GRK5: variants seen among roughly 807,000 people sequenced by gnomAD.
The protein encoded by GRK5 is g protein-coupled receptor kinase GRK5.
A neutral mutation model predicts 78.4 loss-of-function variants in GRK5; 40 were observed. The ratio of observed to expected loss-of-function variants is 0.51; its 90% confidence interval spans 0.40 to 0.66. The LOEUF (loss-of-function observed/expected upper bound fraction) is 0.66, where lower values mean the gene tolerates loss of function less well. GRK5 is among the 30% of genes least tolerant of loss of function. GRK5 has a pLI of 0.00. For synonymous variants in GRK5, 289 were observed against 296.8 expected, an observed-to-expected ratio of 0.97 and a Z score of 0.27; for missense variants, 598 against 759.9, an observed-to-expected ratio of 0.79 and a Z score of 2.50.
At chr10:119,437,306 T>C (rs1297141862) in intron 9 of GRK5, among the ~76,000 whole-genome samples, 2 of 152,104 alleles carry the variant, frequency 1.3e-5, no homozygotes, top group African/African-American at 4.8e-5. Context: ...CAGCTTGCTC[T>C]GGTCTTCACC....
chr10:119,394,181 G>GGGTATGGGTGTGTTTGTGTGGGTGGGTAT (rs1851944153), intron 3 of GRK5, among the ~76,000 whole-genome samples: 3 of 33,358 alleles, frequency 9.0e-5, no homozygotes, highest in East Asian at 4.7e-4. Flanking sequence ...TGTGTGTGTG[G>GGGTATGGGTGTGTTTGTGTGGGTGGGTAT]GTGTCTGTGT....
At position 119,207,587 on chromosome 10, in the gene GRK5, T is replaced by C; in HGVS notation, c.-331T>C. 1 of 272,530 alleles carries C rather than the reference T, an allele frequency of 3.7e-6. No homozygotes were observed. Among genetic ancestry groups the C allele is most frequent in the Non-Finnish European group, 7.0e-6 (1 of 143,112 alleles). The allele number at this position is 272,530 out of a possible 1,614,324, so 16.9% of individuals were successfully genotyped here. ...AGGGGAGGCAGAAGCATCCGAGGCA[T>C]TAAAGCATCCGAGGGAGCCGGAGGG... On this transcript the variant is annotated 5_prime_UTR_variant, in exon 1 of 16. Coordinates refer to ENST00000392870, the MANE Select transcript of GRK5 (RefSeq NM_005308.3).
intron 2 of GRK5, among the ~76,000 whole-genome samples, chr10:119,358,330 G>C (rs1851299109): frequency 6.6e-6 from 1 of 152,192 alleles, no homozygotes; most frequent in South Asian, 2.1e-4. Flanking sequence ...TATGCCCGGG[G>C]TGTAGCAAAT....
intron 1 of GRK5, among the ~76,000 whole-genome samples, chr10:119,218,456 G>A (rs1480176725): frequency 2.0e-5 from 3 of 152,162 alleles, no homozygotes; most frequent in Non-Finnish European, 4.4e-5. Flanking sequence ...ATGGGTCTTA[G>A]CACTGCTTCT....
chr10:119,331,248 G>T (rs1324156738), intron 2 of GRK5, among the ~76,000 whole-genome samples: 1 of 152,238 alleles, frequency 6.6e-6, no homozygotes, highest in Non-Finnish European at 1.5e-5. Flanking sequence ...TGTGGAAATG[G>T]ATTCTTCTGT....
intron 1 of GRK5, among the ~76,000 whole-genome samples, chr10:119,296,879 G>A (rs1850090646): frequency 6.6e-6 from 1 of 152,238 alleles, no homozygotes; most frequent in South Asian, 2.1e-4. Flanking sequence ...CAAGCGCAGG[G>A]CCCCACCCCC....
At chr10:119,402,008 C>G (rs1233467485) in intron 4 of GRK5, among the ~76,000 whole-genome samples, 1 of 152,190 alleles carries the variant, frequency 6.6e-6, no homozygotes, top group African/African-American at 2.4e-5. Flanking sequence ...GTGGCCCCAC[C>G]ATCTGGAGTG....
intron 1 of GRK5, among the ~76,000 whole-genome samples, chr10:119,307,271 A>G (rs1850286876): frequency 6.6e-6 from 1 of 152,042 alleles, no homozygotes; most frequent in African/African-American, 2.4e-5. Context: ...ATGCAGTCTT[A>G]ATCACTGCAT....
intron 1 of GRK5, among the ~76,000 whole-genome samples, chr10:119,270,488 G>A (rs1849567305): frequency 6.6e-6 from 1 of 152,212 alleles, no homozygotes; most frequent in Admixed American, 6.5e-5. Flanking sequence ...GATATGCATG[G>A]GCTTTATACA....
chr10:119,408,546 A>G (rs1272450853), intron 4 of GRK5, among the ~76,000 whole-genome samples: 1 of 152,222 alleles, frequency 6.6e-6, no homozygotes, highest in Non-Finnish European at 1.5e-5. Context: ...TACATGCCCC[A>G]ATGTGGATGA....
chr10:119,263,206 C>A (rs758440547), intron 1 of GRK5, among the ~76,000 whole-genome samples: 1 of 152,084 alleles, frequency 6.6e-6, no homozygotes, highest in Non-Finnish European at 1.5e-5. Context: ...GGGGTTTCAC[C>A]ATGTTGGCCA....
Position 119,423,274 on chromosome 10 carries a change from C to T in GRK5, c.440+8C>T, listed in dbSNP as rs1416897192. 3.1e-6 allele frequency: 5 copies of T among 1,595,826 alleles called. No individual in the cohort carries two copies. Among genetic ancestry groups the T allele is most frequent in the Non-Finnish European group, 4.3e-6 (5 of 1,163,352 alleles). On this transcript the variant is annotated splice_region_variant and intron_variant, in intron 5 of 15. Coordinates refer to ENST00000392870, the MANE Select transcript of GRK5 (RefSeq NM_005308.3). ...CTTTTCTGCCTGTGCACAGTAAGTGCCGTAGTCACCTGGCCTGTCCTCCCC... is the reference window on the plus strand; with the variant it reads ...CTTTTCTGCCTGTGCACAGTAAGTGTCGTAGTCACCTGGCCTGTCCTCCCC...
At chr10:119,417,106 C>T (rs564818093) in intron 4 of GRK5, among the ~76,000 whole-genome samples, 2 of 152,220 alleles carry the variant, frequency 1.3e-5, no homozygotes, top group African/African-American at 2.4e-5. Context: ...TGGCTGAATG[C>T]GTGGAGGCAG....
chr10:119,436,554 G>T, intron 8 of GRK5, 97 bp from the exon 9 acceptor site: 1 of 1,244,524 alleles, frequency 8.0e-7, no homozygotes. Flanking sequence ...AGGCTCCTCT[G>T]TTCCCTCACA....
chr10:119,346,362 C>T (rs1851093510), intron 2 of GRK5, among the ~76,000 whole-genome samples: 1 of 152,256 alleles, frequency 6.6e-6, no homozygotes. Flanking sequence ...GTCTTCACAC[C>T]TCCACAGTCT....
At chr10:119,358,539 A>C (rs11198897) in intron 2 of GRK5, among the ~76,000 whole-genome samples, 10,856 of 152,020 alleles carry the variant, frequency 0.071, 586 homozygotes, top group East Asian at 0.24. Context: ...CCATCTCCCA[A>C]ATCATGGTCC....
At position 119,439,661 on chromosome 10, in the gene GRK5, G is replaced by A. The variant is rs2275042; in HGVS notation, c.930-70G>A. On this transcript the variant is annotated intron_variant, in intron 9 of 15. Coordinates refer to ENST00000392870, the MANE Select transcript of GRK5 (RefSeq NM_005308.3). ...TCAGGCCTGATTAGCCCGAGGGGTC[G>A]ACCCAGATGCCAGTGTATCCTACCT... 2,689 of 1,499,904 alleles carry A rather than the reference G, an allele frequency of 1.8e-3. 93 individuals are homozygous for A. In the East Asian group the frequency reaches 0.057, roughly 32 times the overall value. 92.9% of individuals were successfully genotyped at this position (1,499,904 alleles called of 1,614,324 possible). A position where few individuals can be genotyped will look rare whatever the true frequency, so the allele number is the denominator to read the frequency against.
intron 4 of GRK5, among the ~76,000 whole-genome samples, chr10:119,398,854 G>C (rs1276463956): frequency 6.6e-6 from 1 of 152,232 alleles, no homozygotes; most frequent in African/African-American, 2.4e-5. Flanking sequence ...TCCTGCCACT[G>C]TCTGTGGCCT....
intron 4 of GRK5, among the ~76,000 whole-genome samples, chr10:119,417,321 G>C (rs948798493): frequency 1.3e-5 from 2 of 152,184 alleles, no homozygotes; most frequent in Non-Finnish European, 2.9e-5. Context: ...CTCCTCCCCA[G>C]CCTGCCTCAG....
Sources: allele counts gnomAD v4.1 joint callset (sites outside exome capture counted in the v4.1 genomes callset), GRCh38; gene constraint gnomAD v4.1.1; transcripts MANE v1.5; gene names NCBI Gene and HGNC (gene_info 2026-07-23, HGNC 2026-07-21).